Variants in GRAP2 observed in about 807,000 individuals in gnomAD.
GRAP2 encodes the protein GRB2-related adapter protein 2.
A neutral mutation model predicts 43.5 loss-of-function variants in GRAP2; 31 were observed. The ratio of observed to expected loss-of-function variants is 0.71; its 90% CI spans 0.54 to 0.96. The LOEUF is 0.96. Ranked by LOEUF, GRAP2 falls within the 40% of genes least tolerant of loss-of-function variation. The pLI is 0.00. For synonymous variants in GRAP2, 156 were observed against 164.8 expected (o/e 0.95, Z 0.41); for missense variants, 371 against 424.4 (o/e 0.87, Z 1.11).
At chr22:39,908,656 A>G (rs2066538939) in intron 1 of GRAP2, among the ~76,000 whole-genome samples, 1 of 152,214 alleles carries the variant, frequency 6.6e-6, no homozygotes, top group Admixed American at 6.5e-5. Flanking sequence ...CTGTGAATGC[A>G]GAAGTCCTGA....
At position 39,965,305 on chromosome 22, in the gene GRAP2, G is replaced by A. The variant is rs570225402; in HGVS notation, c.291-685G>A. ...GGAGAATCGCTTGAACCTGGGAGGC[G>A]GAGGTTGCAGTGAGCAGAGATCACA... is the stretch of plus-strand genomic sequence containing the variant. On this transcript the variant is annotated intron_variant, in intron 4 of 7. Transcript: ENST00000344138. Among the ~76,000 whole-genome samples, 82 of 152,222 alleles carry A rather than the reference G, an allele frequency of 5.4e-4. 1 individual carries two copies. The highest frequency in any genetic ancestry group is 1.9e-3 in the African/African-American group (79 of 41,532).
At chr22:39,944,632 G>A (rs1398654013) in intron 1 of GRAP2, among the ~76,000 whole-genome samples, 1 of 152,182 alleles carries the variant, frequency 6.6e-6, no homozygotes, top group African/African-American at 2.4e-5. Context: ...CCTCCTGGGG[G>A]AAGGCAGAGG....
At chr22:39,902,483 C>G (rs544367796) in intron 1 of GRAP2, among the ~76,000 whole-genome samples, 59 of 152,106 alleles carry the variant, frequency 3.9e-4, no homozygotes, top group Admixed American at 3.7e-3. Context: ...ATTTAATTTT[C>G]AAATACGAAA....
chr22:39,911,368 T>TG (rs2066564052), intron 1 of GRAP2, among the ~76,000 whole-genome samples: 1 of 151,806 alleles, frequency 6.6e-6, no homozygotes, highest in African/African-American at 2.4e-5. Flanking sequence ...TTAAAATGAC[T>TG]CTCTTCCCTC....
chr22:39,911,979 C>G (rs1469242822), intron 1 of GRAP2, among the ~76,000 whole-genome samples: 1 of 152,178 alleles, frequency 6.6e-6, no homozygotes, highest in Non-Finnish European at 1.5e-5. Flanking sequence ...CCCATTTTAC[C>G]CGCTGTAGAC....
Position 39,967,613 on chromosome 22 carries a change from A to T in GRAP2, c.460-429A>T, listed in dbSNP as rs575716341. Among the ~76,000 whole-genome samples the T allele has an allele frequency of 6.6e-5, 10 of 152,346 alleles. No individual in the cohort carries two copies. In the South Asian group the frequency reaches 2.1e-3, roughly 32 times the overall value. ...TGTTGCTGTTTGGGTCTCTATCACC[A>T]GGCTGTAAATGACAGTTCAAAATCA... On this transcript the variant is annotated intron_variant, in intron 5 of 7. Coordinates refer to ENST00000344138, the MANE Select transcript of GRAP2 (RefSeq NM_004810.4).
At chr22:39,954,855 C>T (rs1424437541) in intron 2 of GRAP2, among the ~76,000 whole-genome samples, 1 of 152,132 alleles carries the variant, frequency 6.6e-6, no homozygotes, top group Non-Finnish European at 1.5e-5. Flanking sequence ...CAAAGTCAGG[C>T]CACAGAGTAA....
intron 1 of GRAP2, among the ~76,000 whole-genome samples, chr22:39,902,178 A>G (rs57465374): frequency 0.01 from 1,553 of 152,342 alleles, 18 homozygotes; most frequent in African/African-American, 0.035. Context: ...AGATCTAAAC[A>G]TCCAATGGGA....
intron 4 of GRAP2, among the ~76,000 whole-genome samples, chr22:39,961,369 A>G (rs899556004): frequency 2.0e-5 from 3 of 152,088 alleles, no homozygotes; most frequent in Admixed American, 1.3e-4. Flanking sequence ...AAACCTTCCC[A>G]TCTCCTTTGG....
chr22:39,907,341 G>A (rs2066530327), intron 1 of GRAP2, among the ~76,000 whole-genome samples: 1 of 152,202 alleles, frequency 6.6e-6, no homozygotes, highest in South Asian at 2.1e-4. Context: ...ACTTTGTACA[G>A]AATTTCCGTG....
chr22:39,953,550 G>A (rs926906769), intron 2 of GRAP2, among the ~76,000 whole-genome samples: 7 of 152,042 alleles, frequency 4.6e-5, no homozygotes, highest in Non-Finnish European at 8.8e-5. Context: ...TTTTTCTGCC[G>A]ACTTTAGCCT....
At chr22:39,905,947 C>T (rs1028589782) in intron 1 of GRAP2, among the ~76,000 whole-genome samples, 1 of 152,154 alleles carries the variant, frequency 6.6e-6, no homozygotes, top group East Asian at 1.9e-4. Flanking sequence ...AGGTTTAATT[C>T]ATCTGAATAA....
At chr22:39,930,952 C>T (rs983485306) in intron 1 of GRAP2, among the ~76,000 whole-genome samples, 3 of 152,182 alleles carry the variant, frequency 2.0e-5, no homozygotes, top group Non-Finnish European at 4.4e-5. Context: ...CACCTGTCTC[C>T]GTCCTAGGCT....
intron 1 of GRAP2, among the ~76,000 whole-genome samples, chr22:39,901,531 C>T (rs2066492271): frequency 6.6e-6 from 1 of 152,184 alleles, no homozygotes; most frequent in South Asian, 2.1e-4. Context: ...ATCAAATGAA[C>T]TGGGAGAACA....
intron 2 of GRAP2, among the ~76,000 whole-genome samples, chr22:39,948,798 C>T (rs146032228): frequency 2.5e-4 from 38 of 152,276 alleles, no homozygotes; most frequent in African/African-American, 8.9e-4. Flanking sequence ...CCTGGAAGCC[C>T]CTTTCTCCCT....
At chr22:39,902,362 A>G (rs2066498841) in intron 1 of GRAP2, among the ~76,000 whole-genome samples, 1 of 152,244 alleles carries the variant, frequency 6.6e-6, no homozygotes, top group African/African-American at 2.4e-5. Flanking sequence ...CTCCTTTAAC[A>G]ATCCAGTATT....
At chr22:39,909,317 C>T (rs1179653182) in intron 1 of GRAP2, among the ~76,000 whole-genome samples, 1 of 152,098 alleles carries the variant, frequency 6.6e-6, no homozygotes, top group Non-Finnish European at 1.5e-5. Flanking sequence ...ATACCTGGAA[C>T]AAAAAAGATG....
At chr22:39,930,863 T>G (rs1009815310) in intron 1 of GRAP2, among the ~76,000 whole-genome samples, 2 of 152,182 alleles carry the variant, frequency 1.3e-5, no homozygotes, top group African/African-American at 4.8e-5. Context: ...ATATGAGCTC[T>G]CTACTCTGCC....
At chr22:39,921,960 G>A (rs1688026681) in intron 1 of GRAP2, among the ~76,000 whole-genome samples, 1 of 152,134 alleles carries the variant, frequency 6.6e-6, no homozygotes, top group Admixed American at 6.5e-5. Context: ...GAGCAAAGTT[G>A]AGTTCCATCA....
Sources: allele counts gnomAD v4.1 joint callset (sites outside exome capture counted in the v4.1 genomes callset), GRCh38; gene constraint gnomAD v4.1.1; transcripts MANE v1.5; gene names NCBI Gene and HGNC (gene_info 2026-07-23, HGNC 2026-07-21).